The following ADAMTSL1 variants were observed in gnomAD, a reference collection of about 807,000 sequenced individuals.
ADAMTSL1 encodes ADAMTS like 1, also known as ADAMTS-like protein 1.
A neutral mutation model predicts 201.8 loss-of-function variants in ADAMTSL1; 126 were observed. That is an observed-to-expected ratio of 0.62 (90% CI 0.54 to 0.72). ADAMTSL1 has a LOEUF of 0.72. ADAMTSL1 is among the 30% of genes least tolerant of loss of function. The pLI is 0.00. For synonymous variants in ADAMTSL1, 1,121 were observed against 903.4 expected, an observed-to-expected ratio of 1.24 and a Z score of -4.32; for missense variants, 2,679 against 2,277.8, an observed-to-expected ratio of 1.18 and a Z score of -3.59.
chr9:18,141,207 C>G (rs914087505), intron 1 of ADAMTSL1, among the ~76,000 whole-genome samples: 1 of 152,180 alleles, frequency 6.6e-6, no homozygotes, highest in African/African-American at 2.4e-5. Flanking sequence ...CAACCCCCAC[C>G]CCATGCTCAA....
In ADAMTSL1 at chr9:18,535,040, T is replaced by C. The variant is rs375410309; in HGVS notation, c.237+1748T>C. Among the ~76,000 whole-genome samples the C allele has an allele frequency of 6.6e-5, 10 of 152,334 alleles. No homozygotes were observed. The South Asian group carries it at 2.1e-3, about 32-fold the overall frequency. On this transcript the variant is annotated intron_variant, in intron 3 of 28. Coordinates refer to ENST00000380548, the MANE Select transcript of ADAMTSL1 (RefSeq NM_001040272.6). ...TGATTAACATTCATCTCCTCATTAC[T>C]TGTGCAAATTTTTGCAGCAGGCTTG...
Position 18,136,322 on chromosome 9 carries a change from C to T in ADAMTSL1, c.88-27540C>T, listed in dbSNP as rs184101270. Among the ~76,000 whole-genome samples the T allele has an allele frequency of 6.3e-3, 952 of 152,238 alleles. 9 individuals are homozygous for T. Among genetic ancestry groups the T allele is most frequent in the African/African-American group, 0.021 (888 of 41,550 alleles). On this transcript the variant is annotated intron_variant, in intron 1 of 29. Coordinates refer to the ADAMTSL1 transcript ENST00000680146. ...TGATTTCAATGCAGGCAATCAGCTG[C>T]CACTTGGAAACCACTGGATTAGACA... is the stretch of plus-strand genomic sequence containing the variant.
At chr9:18,532,575 C>G (rs143075571) in intron 2 of ADAMTSL1, among the ~76,000 whole-genome samples, 260 of 151,856 alleles carry the variant, frequency 1.7e-3, no homozygotes, top group Admixed American at 5.9e-3. Context: ...AAAATGCCTC[C>G]AAAAAATTTT....
At chr9:18,312,627 A>G (rs1334416307) in intron 2 of ADAMTSL1, among the ~76,000 whole-genome samples, 1 of 152,170 alleles carries the variant, frequency 6.6e-6, no homozygotes, top group East Asian at 1.9e-4. Flanking sequence ...GAGCAACACA[A>G]AACTTCTGTA....
intron 2 of ADAMTSL1, among the ~76,000 whole-genome samples, chr9:18,223,965 TA>T (rs1328542407): frequency 1.3e-5 from 2 of 152,170 alleles, no homozygotes; most frequent in Admixed American, 1.3e-4. Context: ...TATTAATTTT[TA>T]AAAAGCCACA....
At chr9:18,289,422 C>T (rs1286392164) in intron 2 of ADAMTSL1, among the ~76,000 whole-genome samples, 1 of 152,116 alleles carries the variant, frequency 6.6e-6, no homozygotes, top group Non-Finnish European at 1.5e-5. Flanking sequence ...TAAAATTAAC[C>T]ATCCAAATTT....
intron 2 of ADAMTSL1, among the ~76,000 whole-genome samples, chr9:18,437,047 T>C (rs958607282): frequency 6.6e-6 from 1 of 151,418 alleles, no homozygotes; most frequent in African/African-American, 2.4e-5. Flanking sequence ...CAGCCAGTCA[T>C]TGGCTGTGGG....
Position 18,331,910 on chromosome 9 carries a change from G to A in ADAMTSL1, c.207+167929G>A, listed in dbSNP as rs576898968. On this transcript the variant is annotated intron_variant, in intron 2 of 29. Coordinates refer to the ADAMTSL1 transcript ENST00000680146. ...TATTATATTTTAGCCACTGAGACAG[G>A]AGGGGAGAATATTATAGAATCAGCT... 1.3e-4 allele frequency among the ~76,000 whole-genome samples: 20 copies of A among 152,272 alleles called. No individual in the cohort carries two copies. The South Asian group carries it at 2.3e-3, about 17-fold the overall frequency.
intron 2 of ADAMTSL1, among the ~76,000 whole-genome samples, chr9:18,248,755 G>A (rs1317877860): frequency 6.6e-6 from 1 of 152,172 alleles, no homozygotes; most frequent in African/African-American, 2.4e-5. Context: ...TCACTACAAA[G>A]AGATTCCAAT....
At chr9:18,885,018 A>C (rs1563886693) in intron 23 of ADAMTSL1, among the ~76,000 whole-genome samples, 1 of 152,162 alleles carries the variant, frequency 6.6e-6, no homozygotes, top group Admixed American at 6.5e-5. Flanking sequence ...TAATCCGTAA[A>C]CATGAGATGT....
chr9:18,316,626 CT>C (rs1483147825), intron 2 of ADAMTSL1, among the ~76,000 whole-genome samples: 1 of 152,060 alleles, frequency 6.6e-6, no homozygotes, highest in Non-Finnish European at 1.5e-5. Context: ...TTATCCTGTT[CT>C]TTTTTTCAAG....
At chr9:18,511,412 A>T (rs918005809) in intron 2 of ADAMTSL1, among the ~76,000 whole-genome samples, 1 of 152,068 alleles carries the variant, frequency 6.6e-6, no homozygotes, top group Non-Finnish European at 1.5e-5. Context: ...AGAATTTTTT[A>T]AAAGTTAATA....
At chr9:18,051,515 A>T (rs1243484438) in intron 1 of ADAMTSL1, among the ~76,000 whole-genome samples, 1 of 152,112 alleles carries the variant, frequency 6.6e-6, no homozygotes, top group Non-Finnish European at 1.5e-5. Flanking sequence ...GAGAAGGAGA[A>T]AAAAGGAAAG....
At chr9:18,831,145 A>T (rs1397597743) in intron 23 of ADAMTSL1, among the ~76,000 whole-genome samples, 3 of 152,234 alleles carry the variant, frequency 2.0e-5, no homozygotes, top group Admixed American at 2.0e-4. Flanking sequence ...CATATGGAAA[A>T]ATCTGATTTC....
At chr9:18,487,892 G>A (rs1052558900) in intron 1 of ADAMTSL1, among the ~76,000 whole-genome samples, 2 of 152,136 alleles carry the variant, frequency 1.3e-5, no homozygotes, top group Admixed American at 6.5e-5. Flanking sequence ...GTATTTCATC[G>A]ATCCTAAGAC....
At position 18,908,473 on chromosome 9, in the gene ADAMTSL1, GAA is replaced by G; in HGVS notation, c.5215_5216del (p.Lys1739GlyfsTer13). The G allele has an allele frequency of 6.4e-7, 1 of 1,562,736 alleles. No individual in the cohort carries two copies. The highest frequency in any genetic ancestry group is 8.7e-7 in the Non-Finnish European group (1 of 1,153,678). On this transcript the variant is annotated frameshift_variant, in exon 29 of 29. Coordinates refer to ENST00000380548, the MANE Select transcript of ADAMTSL1 (RefSeq NM_001040272.6). LOFTEE classifies it high-confidence loss of function. The part of the protein sequence containing the change: ...ECRDTTRYCE[K>X]VKQLKLCQLS... The stretch of plus-strand genomic sequence containing the variant: ...GCAGAGACACCACCAGGTACTGCGA[GAA>G]GGTGAAACAGCTGAAACTCTGCCAA...
intron 2 of ADAMTSL1, among the ~76,000 whole-genome samples, chr9:18,180,815 C>A (rs537359027): frequency 6.6e-6 from 1 of 152,228 alleles, no homozygotes; most frequent in East Asian, 1.9e-4. Context: ...CAAACAAGAG[C>A]CCGCATCGCC....
At chr9:18,600,614 G>T (rs958653408) in intron 4 of ADAMTSL1, among the ~76,000 whole-genome samples, 1 of 152,158 alleles carries the variant, frequency 6.6e-6, no homozygotes, top group Non-Finnish European at 1.5e-5. Flanking sequence ...GATTATCACT[G>T]GTGGGGCTCC....
intron 1 of ADAMTSL1, among the ~76,000 whole-genome samples, chr9:18,076,369 C>A (rs186406398): frequency 6.6e-6 from 1 of 152,274 alleles, no homozygotes; most frequent in African/African-American, 2.4e-5. Context: ...AGGTAAATAC[C>A]ACTGATACAG....
Sources: allele counts gnomAD v4.1 joint callset (sites outside exome capture counted in the v4.1 genomes callset), GRCh38; gene constraint gnomAD v4.1.1; transcripts MANE v1.5; gene names NCBI Gene and HGNC (gene_info 2026-07-23, HGNC 2026-07-21).